ACTR3: variants seen among roughly 807,000 people sequenced by gnomAD.
The protein encoded by ACTR3 is actin related protein 3, also known as actin-related protein 3.
ACTR3 carries 12 observed loss-of-function variants against 56.8 expected under a neutral mutation model. That is an observed-to-expected ratio of 0.21 (90% CI 0.14 to 0.34). The LOEUF (loss-of-function observed/expected upper bound fraction) is 0.34. Among genes scored for constraint, ACTR3 ranks in the 10% least tolerant of loss-of-function variants. The probability of loss-of-function intolerance (pLI) is 1.00; values close to 1 mark genes in which losing one functional copy is unlikely to be tolerated. For missense variants in ACTR3, 282 were observed against 512.5 expected (o/e 0.55, Z 4.34); for synonymous variants, 162 against 167.4 (o/e 0.97, Z 0.25).
chr2:113,936,128 C>CA (rs1679820792), intron 6 of ACTR3, among the ~76,000 whole-genome samples: 2 of 151,758 alleles, frequency 1.3e-5, no homozygotes, highest in Non-Finnish European at 2.9e-5. Flanking sequence ...CCTGTCTCTA[C>CA]AAAAAATGCA....
intron 3 of ACTR3, among the ~76,000 whole-genome samples, chr2:113,917,407 T>C (rs958830598): frequency 6.6e-6 from 1 of 152,198 alleles, no homozygotes; most frequent in African/African-American, 2.4e-5. Context: ...TCTTTTTCTT[T>C]TTCCCTTTTT....
At chr2:113,890,041 G>C (rs575206402), upstream of ACTR3, 31 of 595,026 alleles carry the variant, frequency 5.2e-5, no homozygotes, top group East Asian at 8.5e-4. Context: ...GAAGAGAGAG[G>C]GGGAGGAGGC....
chr2:113,931,163 G>T (rs2104609015), intron 4 of ACTR3, 138 bp from the exon 5 acceptor site: 1 of 517,812 alleles, frequency 1.9e-6, no homozygotes. Flanking sequence ...TTTGATCTCT[G>T]TGTCTGTCTT....
At chr2:113,904,869 C>T (rs1679165365) in intron 1 of ACTR3, 1 of 152,036 alleles carries the variant, frequency 6.6e-6, no homozygotes, top group African/African-American at 2.4e-5. Context: ...TGTCTTTTTG[C>T]CTTTCCTTCT....
chr2:113,945,346 A>C (rs1025060741), intron 8 of ACTR3, among the ~76,000 whole-genome samples: 3 of 152,190 alleles, frequency 2.0e-5, no homozygotes, highest in Non-Finnish European at 4.4e-5. Flanking sequence ...AGTAACCCCC[A>C]GATTTCTAAA....
chr2:113,934,051 G>C, intron 5 of ACTR3: 1 of 461,038 alleles, frequency 2.2e-6, no homozygotes, highest in Non-Finnish European at 3.8e-6. Flanking sequence ...TACAAATCAT[G>C]CTCCTAAAAG....
rs1324516401 is a variant in ACTR3, at chr2:113,958,794, G to C, written c.*1339G>C. 1 of 151,942 alleles carries C rather than the reference G, an allele frequency of 6.6e-6. No individual in the cohort carries two copies. Among genetic ancestry groups the C allele is most frequent in the Non-Finnish European group, 1.5e-5 (1 of 67,896 alleles). 9.4% of individuals were successfully genotyped at this position (151,942 alleles called of 1,614,324 possible). On this transcript the variant is annotated 3_prime_UTR_variant, in exon 12 of 12. Coordinates refer to ENST00000263238, the MANE Select transcript of ACTR3 (RefSeq NM_005721.5). ...TATAGGCTTTTTACTAGCAGTATCA[G>C]TGAACACTTGAACTCCATTATTCAT...
intron 1 of ACTR3, among the ~76,000 whole-genome samples, chr2:113,905,479 ATTTTT>A (rs1290051119): frequency 6.9e-6 from 1 of 145,380 alleles, no homozygotes; most frequent in Non-Finnish European, 1.5e-5. Context: ...AAAAAAAAAA[ATTTTT>A]TTTTTGTGGT....
chr2:113,944,193 T>A (rs1288460415), intron 8 of ACTR3, among the ~76,000 whole-genome samples: 1 of 152,156 alleles, frequency 6.6e-6, no homozygotes, highest in African/African-American at 2.4e-5. Flanking sequence ...GAGCAGCTTG[T>A]TACTTATCTC....
At chr2:113,890,439 CCT>C in intron 1 of ACTR3, 116 bp downstream of exon 1, 1 of 1,297,634 alleles carries the variant, frequency 7.7e-7, no homozygotes, top group Non-Finnish European at 1.0e-6. Flanking sequence ...GGCTGTCAGT[CCT>C]AGACCCGCCG....
In ACTR3 at chr2:113,960,380, T is replaced by C. The variant is rs1558649517; in HGVS notation, c.*2925T>C. 6.6e-6 allele frequency: 1 copy of C among 152,022 alleles called. No individual in the cohort carries two copies. The highest frequency in any genetic ancestry group is 1.9e-4 in the East Asian group (1 of 5,200). The allele number at this position is 152,022 out of a possible 1,614,324, so 9.4% of individuals were successfully genotyped here. A position where few individuals can be genotyped will look rare whatever the true frequency, so the allele number is the denominator to read the frequency against. ...TTTGTTTTCACAGCTACTTAAAAGA[T>C]TAAAATAACTATTCTTGCAGATATT... On this transcript the variant is annotated 3_prime_UTR_variant, in exon 12 of 12. Transcript: ENST00000263238.
At chr2:113,938,576 C>T (rs1679869168) in intron 6 of ACTR3, among the ~76,000 whole-genome samples, 1 of 152,186 alleles carries the variant, frequency 6.6e-6, no homozygotes, top group Non-Finnish European at 1.5e-5. Context: ...GAGGACTCTA[C>T]TTCATGTCTT....
intron 11 of ACTR3, among the ~76,000 whole-genome samples, chr2:113,955,961 A>G (rs997899192): frequency 1.3e-5 from 2 of 151,832 alleles, no homozygotes; most frequent in African/African-American, 4.8e-5. Flanking sequence ...TGGCTAGGTT[A>G]CTCTTGAACT....
At chr2:113,892,481 AT>A (rs1001237613) in intron 1 of ACTR3, among the ~76,000 whole-genome samples, 1 of 152,104 alleles carries the variant, frequency 6.6e-6, no homozygotes, top group Non-Finnish European at 1.5e-5. Flanking sequence ...AGTTTCAGTT[AT>A]TTTGGTTCTC....
At chr2:113,895,700 T>C (rs960231672) in intron 1 of ACTR3, among the ~76,000 whole-genome samples, 1 of 152,180 alleles carries the variant, frequency 6.6e-6, no homozygotes, top group Non-Finnish European at 1.5e-5. Flanking sequence ...CTGGCAGTTA[T>C]ATTTCGTGTT....
chr2:113,916,110 C>G (rs959267447), intron 2 of ACTR3, among the ~76,000 whole-genome samples: 1 of 151,976 alleles, frequency 6.6e-6, no homozygotes, highest in Non-Finnish European at 1.5e-5. Flanking sequence ...TTTTTTTCTT[C>G]CAGTTATTTT....
rs576009348 is a variant in ACTR3, at chr2:113,949,037, CTT to C, written c.859-2439_859-2438del. Among the ~76,000 whole-genome samples the C allele has an allele frequency of 5.1e-3, 388 of 75,626 alleles. 2 individuals are homozygous for C. Among genetic ancestry groups the C allele is most frequent in the Non-Finnish European group, 6.1e-3 (277 of 45,692 alleles). The allele number at this position is 75,626 out of a possible 152,430, so 49.6% of individuals were successfully genotyped here. Reference sequence around the variant, plus strand: ...GTGTCACTTTGATAACATTAAATCTCTTTTCATTGTATGCGCAGCCTGTAAAT... The same window carrying C: ...GTGTCACTTTGATAACATTAAATCTCTTCATTGTATGCGCAGCCTGTAAAT... On this transcript the variant is annotated intron_variant, in intron 8 of 11. Transcript: ENST00000263238.
chr2:113,953,262 T>TA (rs1440055092), intron 10 of ACTR3: 5 of 152,326 alleles, frequency 3.3e-5, no homozygotes, highest in Non-Finnish European at 5.9e-5. Flanking sequence ...CGTATCGACA[T>TA]ATTGAAAGAA....
At chr2:113,892,369 GTTA>G (rs554780936) in intron 1 of ACTR3, among the ~76,000 whole-genome samples, 98 of 152,196 alleles carry the variant, frequency 6.4e-4, no homozygotes, top group Non-Finnish European at 1.2e-3. Context: ...ATAAGGAGAG[GTTA>G]TTAACTGCAC....
Sources: gnomAD v4.1 joint callset for allele counts (sites outside exome capture counted in the v4.1 genomes callset) on GRCh38, gnomAD v4.1.1 for gene constraint, MANE v1.5 for transcripts, NCBI Gene and HGNC (gene_info 2026-07-23, HGNC 2026-07-21) for gene names.